Variants in EPHA3 observed in about 807,000 individuals in gnomAD.
EPHA3 encodes the protein EPH receptor A3, also known as ephrin type-A receptor 3.
A neutral mutation model predicts 107.1 loss-of-function variants in EPHA3; 42 were observed. That is an observed-to-expected ratio of 0.39 (90% CI 0.31 to 0.51). The LOEUF (loss-of-function observed/expected upper bound fraction) is 0.51. Ranked by LOEUF, EPHA3 falls within the 20% of genes least tolerant of loss-of-function variation. EPHA3 has a pLI of 0.78. For synonymous variants in EPHA3, 461 were observed against 424.8 expected, an observed-to-expected ratio of 1.09 and a Z score of -1.05; for missense variants, 1,183 against 1,211.2, an observed-to-expected ratio of 0.98 and a Z score of 0.35.
chr3:89,110,123 T>A (rs922983558), intron 1 of EPHA3, among the ~76,000 whole-genome samples: 2 of 151,972 alleles, frequency 1.3e-5, no homozygotes, highest in African/African-American at 4.8e-5. Context: ...AAAAATGGTA[T>A]TAATGTAGTT....
intron 3 of EPHA3, among the ~76,000 whole-genome samples, chr3:89,315,786 A>T (rs1302359470): frequency 6.6e-6 from 1 of 151,892 alleles, no homozygotes; most frequent in Non-Finnish European, 1.5e-5. Context: ...GTGATAGATG[A>T]TGCATGGTTT....
chr3:89,258,063 C>G lies in EPHA3; in HGVS notation c.814+47543C>G, dbSNP rs570088539. Among the ~76,000 whole-genome samples, 10 of 152,320 alleles carry G rather than the reference C, an allele frequency of 6.6e-5. No individual in the cohort carries two copies. The South Asian group carries it at 1.9e-3, about 28-fold the overall frequency. ...AGGACTCATGAGATAAACTGCTGCT[C>G]TATGCCTCATGCTATGATGCAGTAG... On this transcript the variant is annotated intron_variant, in intron 3 of 16. Transcript: ENST00000336596.
At chr3:89,359,824 T>TATATACACATATATATACATATATATAC (rs1252966859) in intron 5 of EPHA3, among the ~76,000 whole-genome samples, 4 of 119,776 alleles carry the variant, frequency 3.3e-5, no homozygotes, top group African/African-American at 1.3e-4. Flanking sequence ...TATATATACA[T>TATATACACATATATATACATATATATAC]ATATATATAC....
In EPHA3 at chr3:89,370,094, T is replaced by C. The variant is rs1377230068; in HGVS notation, c.1307-25743T>C. On this transcript the variant is annotated intron_variant, in intron 5 of 16. Transcript: ENST00000336596. ...CTAGTTCAACCATTGTGGAAGTCAG[T>C]GTGGCGATTCCTCAGGGATCTAGAA... Among the ~76,000 whole-genome samples, 4 of 150,718 alleles carry C rather than the reference T, an allele frequency of 2.7e-5. 1 individual carries two copies. Among genetic ancestry groups the C allele is most frequent in the Non-Finnish European group, 4.4e-5 (3 of 67,424 alleles).
chr3:89,329,906 G>A (rs1290197760), intron 3 of EPHA3, among the ~76,000 whole-genome samples: 1 of 151,556 alleles, frequency 6.6e-6, no homozygotes, highest in Non-Finnish European at 1.5e-5. Context: ...CTTTATAGAG[G>A]CAAGTTTTTA....
intron 9 of EPHA3, among the ~76,000 whole-genome samples, chr3:89,409,770 G>A (rs1709122983): frequency 6.6e-6 from 1 of 152,006 alleles, no homozygotes; most frequent in Admixed American, 6.6e-5. Flanking sequence ...GTTCCCTACA[G>A]CCTTGTTACA....
At chr3:89,398,721 T>A (rs879665132) in intron 6 of EPHA3, among the ~76,000 whole-genome samples, 2 of 152,222 alleles carry the variant, frequency 1.3e-5, no homozygotes, top group Non-Finnish European at 2.9e-5. Flanking sequence ...AGAGAACATA[T>A]CTTCTCTCAC....
In EPHA3 at chr3:89,472,761, C is replaced by T; in HGVS notation, c.2846+142C>T. ...AGGTACTGACTACCGCCTGGAACTG[C>T]TAATCAGGGCCCTGGGTCTCCTTGT... On this transcript the variant is annotated intron_variant, in intron 16 of 16. Transcript: ENST00000336596. The T allele has an allele frequency of 4.4e-6, 4 of 907,802 alleles. No homozygotes were observed. The South Asian group carries it at 5.4e-5, about 12-fold the overall frequency. 56.2% of individuals were successfully genotyped at this position (907,802 alleles called of 1,614,324 possible).
intron 5 of EPHA3, among the ~76,000 whole-genome samples, chr3:89,392,042 A>G (rs977918300): frequency 2.0e-5 from 3 of 152,168 alleles, no homozygotes; most frequent in Non-Finnish European, 1.5e-5. Context: ...ACTTGCGTCA[A>G]TGCCTGCACC....
At chr3:89,477,273 C>A (rs1710535315) in intron 16 of EPHA3, among the ~76,000 whole-genome samples, 1 of 152,114 alleles carries the variant, frequency 6.6e-6, no homozygotes, top group Middle Eastern at 3.2e-3. Context: ...CCCCACTAGC[C>A]TTCCTGAGAA....
chr3:89,296,570 C>G (rs1706357880), intron 3 of EPHA3, among the ~76,000 whole-genome samples: 1 of 152,072 alleles, frequency 6.6e-6, no homozygotes, highest in Admixed American at 6.6e-5. Context: ...CTTTGTTGTT[C>G]CATTTGTAGA....
intron 3 of EPHA3, among the ~76,000 whole-genome samples, chr3:89,315,333 G>A (rs967707635): frequency 2.0e-5 from 3 of 151,538 alleles, no homozygotes; most frequent in African/African-American, 4.9e-5. Context: ...CAGTTAAGGA[G>A]CACGGTTTGT....
intron 3 of EPHA3, among the ~76,000 whole-genome samples, chr3:89,321,492 A>G (rs561324437): frequency 6.6e-6 from 1 of 152,232 alleles, no homozygotes; most frequent in African/African-American, 2.4e-5. Flanking sequence ...TACCTTGGGT[A>G]CAGCACTTCC....
rs192620576 is a variant in EPHA3, at chr3:89,203,263, T to G, written c.154-6597T>G. On this transcript the variant is annotated intron_variant, in intron 2 of 16. Transcript: ENST00000336596. ...TGGTTTTGTTTTTGTTGTTGTTGTT[T>G]TTTTTTTATCTGGGAAGCAGTATTT... Among the ~76,000 whole-genome samples the G allele has an allele frequency of 1.4e-3, 217 of 150,518 alleles. 1 individual carries two copies. Among genetic ancestry groups the G allele is most frequent in the Middle Eastern group, 0.014 (4 of 290 alleles).
chr3:89,299,504 A>T (rs1186479192), intron 3 of EPHA3, among the ~76,000 whole-genome samples: 1 of 152,024 alleles, frequency 6.6e-6, no homozygotes, highest in Non-Finnish European at 1.5e-5. Flanking sequence ...GCATCATCAT[A>T]AAATATAAAA....
intron 12 of EPHA3, among the ~76,000 whole-genome samples, chr3:89,430,092 A>G (rs1261198824): frequency 1.3e-5 from 2 of 152,166 alleles, no homozygotes; most frequent in African/African-American, 4.8e-5. Context: ...TTTCACCATA[A>G]GAAAGTGAAT....
chr3:89,131,131 G>A, intron 2 of EPHA3, among the ~76,000 whole-genome samples: 1 of 152,034 alleles, frequency 6.6e-6, no homozygotes, highest in East Asian at 1.9e-4. Context: ...TATTTGTGGA[G>A]GTCGTGAATA....
intron 3 of EPHA3, among the ~76,000 whole-genome samples, chr3:89,253,899 A>G (rs1233074510): frequency 7.2e-5 from 11 of 152,150 alleles, no homozygotes; most frequent in Non-Finnish European, 1.3e-4. Context: ...AGGAGTTGAA[A>G]TACCTGCTTC....
intron 3 of EPHA3, among the ~76,000 whole-genome samples, chr3:89,319,710 G>A (rs1486017109): frequency 1.3e-5 from 2 of 151,678 alleles, no homozygotes; most frequent in Admixed American, 6.6e-5. Flanking sequence ...AAAAACTGGG[G>A]GCCTCAGATG....
Sources: gnomAD v4.1 joint callset for allele counts (sites outside exome capture counted in the v4.1 genomes callset) on GRCh38, gnomAD v4.1.1 for gene constraint, MANE v1.5 for transcripts, NCBI Gene and HGNC (gene_info 2026-07-23, HGNC 2026-07-21) for gene names.